PTCHD4: variants seen among roughly 807,000 people sequenced by gnomAD.
PTCHD4 encodes patched domain containing 4.
A neutral mutation model predicts 58.1 loss-of-function variants in PTCHD4; 33 were observed. The ratio of observed to expected loss-of-function variants is 0.57; its 90% CI spans 0.43 to 0.76. The LOEUF (loss-of-function observed/expected upper bound fraction) is 0.76, where lower values mean the gene tolerates loss of function less well. PTCHD4 is among the 30% of genes least tolerant of loss of function. PTCHD4 has a pLI of 0.00. For missense variants in PTCHD4, 1,058 were observed against 1,027.1 expected (o/e 1.03, Z -0.41); for synonymous variants, 478 against 409.6 (o/e 1.17, Z -2.02).
Position 47,887,408 on chromosome 6 carries a change from T to A in PTCHD4, c.899-7472A>T, listed in dbSNP as rs937376265. On this transcript the variant is annotated intron_variant, in intron 4 of 4. Transcript: ENST00000339488. ...TCAGCAATGGGTTTTGTGAAATAGA[T>A]ATTATTTGCCTCATTTTACTGAGAA... Among the ~76,000 whole-genome samples, 2 of 152,068 alleles carry A rather than the reference T, an allele frequency of 1.3e-5. 1 individual carries two copies. Among genetic ancestry groups the A allele is most frequent in the African/African-American group, 4.8e-5 (2 of 41,430 alleles).
Position 47,927,823 on chromosome 6 carries a change from A to G in PTCHD4, c.899-47887T>C, listed in dbSNP as rs1765675454. 2.6e-5 allele frequency among the ~76,000 whole-genome samples: 4 copies of G among 151,654 alleles called. No homozygotes were observed. The South Asian group carries it at 8.3e-4, about 32-fold the overall frequency. On this transcript the variant is annotated intron_variant, in intron 4 of 4. Transcript: ENST00000339488. ...TTTTTTGTAGAGACAGGGTTTTGCC[A>G]TGTTGCCCAGGCTGGTCTTGAACTT...
At chr6:47,976,484 T>A (rs1482228263) in intron 4 of PTCHD4, among the ~76,000 whole-genome samples, 3 of 151,846 alleles carry the variant, frequency 2.0e-5, no homozygotes, top group Non-Finnish European at 1.5e-5. Context: ...GAAACCCCCA[T>A]CTCTACTAAA....
intron 1 of PTCHD4, among the ~76,000 whole-genome samples, chr6:48,098,706 T>C (rs1211628086): frequency 2.0e-5 from 3 of 152,222 alleles, no homozygotes; most frequent in Non-Finnish European, 4.4e-5. Context: ...TAATATCTAT[T>C]ACCGCTTAGT....
chr6:48,070,931 G>T (rs1484732946), intron 1 of PTCHD4, among the ~76,000 whole-genome samples: 1 of 152,164 alleles, frequency 6.6e-6, no homozygotes, highest in African/African-American at 2.4e-5. Flanking sequence ...TATCCTCTAC[G>T]TTAAATTTTT....
At position 47,878,635 on chromosome 6, in the gene PTCHD4, C is replaced by T; in HGVS notation, c.2200G>A (p.Val734Ile). The T allele has an allele frequency of 6.2e-7, 1 of 1,613,530 alleles. No individual in the cohort carries two copies. The highest frequency in any genetic ancestry group is 8.5e-7 in the Non-Finnish European group (1 of 1,179,728). ...DHCAPLLFTF[V>I]LATEHTRTQC... ...GTTCGGGTGTGCTCAGTTGCTAATACAAATGTGAAAAGCAGTGGTGCACAG... is the reference window on the plus strand; with the variant it reads ...GTTCGGGTGTGCTCAGTTGCTAATATAAATGTGAAAAGCAGTGGTGCACAG... Residue 734 changes from valine (V) to isoleucine (I), a missense_variant, in exon 5 of 5, where the codon GTA becomes ATA. Transcript: ENST00000339488.
chr6:47,957,353 A>G (rs920944937), intron 4 of PTCHD4, among the ~76,000 whole-genome samples: 2 of 149,570 alleles, frequency 1.3e-5, no homozygotes, highest in Admixed American at 6.7e-5. Flanking sequence ...CTTAAGCTAC[A>G]TATGTTACTG....
rs368118037 is a variant in PTCHD4, at chr6:48,095,403, G to A, written c.-970+15646C>T. Among the ~76,000 whole-genome samples the A allele has an allele frequency of 4.6e-5, 7 of 152,270 alleles. No individual in the cohort carries two copies. In the South Asian group the frequency reaches 8.3e-4, roughly 18 times the overall value. On this transcript the variant is annotated intron_variant, in intron 1 of 4. Transcript: ENST00000339488. ...ATCTTCTTTTAAAAAAGAAATATAG[G>A]TCAGGCGCTGTGGCTCACGCCTGTA...
chr6:47,915,254 A>C (rs539598411), intron 4 of PTCHD4, among the ~76,000 whole-genome samples: 4 of 99,834 alleles, frequency 4.0e-5, no homozygotes, highest in African/African-American at 1.1e-4. Flanking sequence ...TTTATTTAAG[A>C]AAATGACATT....
At chr6:47,956,222 T>A (rs1433526212) in intron 4 of PTCHD4, among the ~76,000 whole-genome samples, 4 of 152,188 alleles carry the variant, frequency 2.6e-5, no homozygotes, top group African/African-American at 9.7e-5. Flanking sequence ...ACGATACAAA[T>A]ATGTGTAACA....
At position 48,069,024 on chromosome 6, in the gene PTCHD4, G is replaced by A. The variant is rs1764911487; in HGVS notation, c.-67C>T. Among the ~76,000 whole-genome samples, 2 of 150,754 alleles carry A rather than the reference G, an allele frequency of 1.3e-5. No homozygotes were observed. Among genetic ancestry groups the A allele is most frequent in the South Asian group, 2.1e-4 (1 of 4,710 alleles). The stretch of plus-strand genomic sequence containing the variant: ...AGTCCCCTGGCCTCCCTCGCTGGAG[G>A]TGGTTCCGTGTGGAGCGTCCCACAG... On this transcript the variant is annotated 5_prime_UTR_variant, in exon 2 of 5. Coordinates refer to ENST00000339488, the MANE Select transcript of PTCHD4 (RefSeq NM_001384253.1).
At chr6:48,012,964 A>G (rs1312271624) in intron 3 of PTCHD4, among the ~76,000 whole-genome samples, 2 of 151,744 alleles carry the variant, frequency 1.3e-5, no homozygotes, top group Non-Finnish European at 2.9e-5. Flanking sequence ...GTGCTGCTGG[A>G]CTCGGTTTGG....
chr6:47,958,278 A>T (rs1218855354), intron 4 of PTCHD4, among the ~76,000 whole-genome samples: 1 of 152,204 alleles, frequency 6.6e-6, no homozygotes, highest in Non-Finnish European at 1.5e-5. Context: ...AGATTAACAG[A>T]GACCAGGTTT....
chr6:48,031,732 A>T (rs1763450697), intron 3 of PTCHD4, among the ~76,000 whole-genome samples: 1 of 152,262 alleles, frequency 6.6e-6, no homozygotes, highest in Admixed American at 6.5e-5. Flanking sequence ...ACATTAAACA[A>T]GGGATGGGAA....
At chr6:48,096,371 G>C (rs1765469682) in intron 1 of PTCHD4, among the ~76,000 whole-genome samples, 1 of 152,118 alleles carries the variant, frequency 6.6e-6, no homozygotes, top group Non-Finnish European at 1.5e-5. Context: ...CAGCATTTTA[G>C]GAGGCCGAGG....
intron 4 of PTCHD4, among the ~76,000 whole-genome samples, chr6:47,957,023 G>C (rs1186895448): frequency 6.6e-6 from 1 of 151,580 alleles, no homozygotes; most frequent in Non-Finnish European, 1.5e-5. Flanking sequence ...AATTAGGTGG[G>C]TTTGGTGCCA....
chr6:48,020,967 G>A (rs1251275704), intron 3 of PTCHD4, among the ~76,000 whole-genome samples: 1 of 151,974 alleles, frequency 6.6e-6, no homozygotes, highest in Non-Finnish European at 1.5e-5. Flanking sequence ...TTAGGCAATG[G>A]GAGAGGAAGA....
chr6:48,003,270 C>T (rs1341737422), intron 4 of PTCHD4, among the ~76,000 whole-genome samples: 1 of 152,162 alleles, frequency 6.6e-6, no homozygotes, highest in Non-Finnish European at 1.5e-5. Context: ...TGAACCTGAT[C>T]TATGTACTGT....
At chr6:48,078,501 C>G (rs941269843) in intron 1 of PTCHD4, among the ~76,000 whole-genome samples, 41 of 152,284 alleles carry the variant, frequency 2.7e-4, no homozygotes, top group Admixed American at 2.4e-3. Flanking sequence ...TGTGCACATT[C>G]AATTTTTAGT....
intron 1 of PTCHD4, among the ~76,000 whole-genome samples, chr6:48,086,725 A>G (rs1054086277): frequency 2.6e-5 from 4 of 152,202 alleles, no homozygotes; most frequent in African/African-American, 4.8e-5. Context: ...TCATGGGGGA[A>G]AAAGACTCAG....
Sources: allele counts gnomAD v4.1 joint callset (sites outside exome capture counted in the v4.1 genomes callset), GRCh38; gene constraint gnomAD v4.1.1; transcripts MANE v1.5; gene names NCBI Gene and HGNC (gene_info 2026-07-23, HGNC 2026-07-21).